CDC16: variants seen among roughly 807,000 people sequenced by gnomAD.
CDC16 encodes the protein cell division cycle protein 16 homolog.
CDC16 carries 34 observed loss-of-function variants against 87.0 expected under a neutral mutation model. That is an observed-to-expected ratio of 0.39 (90% CI 0.30 to 0.52). The LOEUF (loss-of-function observed/expected upper bound fraction) is 0.52, where lower values mean the gene tolerates loss of function less well. Among genes scored for constraint, CDC16 ranks in the 20% least tolerant of loss-of-function variants. CDC16 has a pLI of 0.74. For synonymous variants in CDC16, 263 were observed against 260.6 expected, an observed-to-expected ratio of 1.01 and a Z score of -0.09; for missense variants, 653 against 751.9, an observed-to-expected ratio of 0.87 and a Z score of 1.54.
At chr13:114,246,454 A>T (rs1010931190) in intron 10 of CDC16, among the ~76,000 whole-genome samples, 3 of 152,214 alleles carry the variant, frequency 2.0e-5, no homozygotes, top group Admixed American at 6.5e-5. Flanking sequence ...CCAAACTGTC[A>T]TGGATCGGAA....
chr13:114,243,480 T>G, intron 7 of CDC16, 132 bp downstream of exon 7: 1 of 553,294 alleles, frequency 1.8e-6, no homozygotes, highest in Non-Finnish European at 3.2e-6. Flanking sequence ...AATAGAGCGT[T>G]TAAGATACAT....
At position 114,243,265 on chromosome 13, in the gene CDC16, C is replaced by A. The variant is rs773221838; in HGVS notation, c.550C>A (p.Leu184Ile). The change falls in exon 7 of 18, where the codon CTT (leucine) becomes ATT (isoleucine). Residue 184 changes from leucine to isoleucine, a missense_variant. By Grantham distance (5) the Leu-to-Ile change is conservative. Transcript: ENST00000356221. The part of the protein sequence containing the change: ...HMLTAQEEKE[L>I]LESLPLSKLC... The stretch of plus-strand genomic sequence containing the variant: ...TTCTCACCATTTTTAAGAAAAAGAA[C>A]TTCTTGAATCACTACCCCTTAGCAA... The A allele has an allele frequency of 2.7e-6, 4 of 1,493,434 alleles. No individual in the cohort carries two copies. Among genetic ancestry groups the A allele is most frequent in the Non-Finnish European group, 3.7e-6 (4 of 1,074,050 alleles). 92.5% of individuals were successfully genotyped at this position (1,493,434 alleles called of 1,614,324 possible).
In CDC16 at chr13:114,272,266, G is replaced by A. The variant is rs957241121; in HGVS notation, c.1686G>A (p.Pro562=). Residue 562 remains proline, a synonymous_variant, in exon 18 of 18, where the codon CCG becomes CCA. Transcript: ENST00000356221. ...CACTAAAAAACATTATTTCACCTCCGTGGGATTTCAGGGAATTTGAAGTAG... is the reference window on the plus strand; with the variant it reads ...CACTAAAAAACATTATTTCACCTCCATGGGATTTCAGGGAATTTGAAGTAG... ...MKTLKNIISP[P]WDFREFEVEK... is the part of the protein sequence containing the mutation. 2.5e-6 allele frequency: 4 copies of A among 1,613,592 alleles called. No individual in the cohort carries two copies. The highest frequency in any genetic ancestry group is 1.7e-5 in the Admixed American group (1 of 60,002).
Position 114,239,331 on chromosome 13 carries a change from A to C in CDC16, c.241-19A>C. ...TTAGAAGTCGTGAGTGATGAGCGGC[A>C]CTTCTGTTTTCCACGTAGTATGCTG... On this transcript the variant is annotated intron_variant, in intron 4 of 17. Coordinates refer to ENST00000356221, the MANE Select transcript of CDC16 (RefSeq NM_001078645.3). 6.3e-7 allele frequency: 1 copy of C among 1,582,754 alleles called. No homozygotes were observed. Among genetic ancestry groups the C allele is most frequent in the South Asian group, 1.1e-5 (1 of 88,324 alleles).
intron 11 of CDC16, among the ~76,000 whole-genome samples, chr13:114,247,732 C>T (rs2081949498): frequency 6.6e-6 from 1 of 151,998 alleles, no homozygotes; most frequent in African/African-American, 2.4e-5. Context: ...AAAAAATTAG[C>T]CAGATATAGT....
intron 3 of CDC16, 136 bp downstream of exon 3, chr13:114,237,032 A>C (rs923269118): frequency 2.0e-6 from 1 of 511,390 alleles, no homozygotes; most frequent in Non-Finnish European, 3.3e-6. Context: ...TCAGGAGCTC[A>C]AGACCAAGAT....
At chr13:114,266,728 C>G (rs2083242591) in intron 17 of CDC16, among the ~76,000 whole-genome samples, 1 of 151,440 alleles carries the variant, frequency 6.6e-6, no homozygotes, top group African/African-American at 2.4e-5. Flanking sequence ...GAGTCTCGCT[C>G]TGTCGCCCAG....
At chr13:114,260,008 T>G (rs1046567245) in intron 14 of CDC16, among the ~76,000 whole-genome samples, 14 of 152,242 alleles carry the variant, frequency 9.2e-5, no homozygotes, top group Admixed American at 3.3e-4. Flanking sequence ...AGTAACAGTT[T>G]TAGATACCAT....
chr13:114,272,218 C>G lies in CDC16; in HGVS notation c.1638C>G (p.Asp546Glu), dbSNP rs778362743. The G allele has an allele frequency of 9.5e-6, 15 of 1,583,776 alleles. No individual in the cohort carries two copies. Among genetic ancestry groups the G allele is most frequent in the Non-Finnish European group, 1.2e-5 (14 of 1,156,820 alleles). Reference sequence around the variant, plus strand: ...TTAAAGACAAATTAAAATGTTATGACTTTGATGTGCATACAATGAAGACAC... The same window carrying G: ...TTAAAGACAAATTAAAATGTTATGAGTTTGATGTGCATACAATGAAGACAC... ...ADIKDKLKCY[D>E]FDVHTMKTLK... Residue 546 changes from aspartate to glutamate, a missense_variant, in exon 18 of 18, where the codon GAC becomes GAG. Coordinates refer to ENST00000356221, the MANE Select transcript of CDC16 (RefSeq NM_001078645.3).
intron 3 of CDC16, among the ~76,000 whole-genome samples, chr13:114,238,748 T>G (rs1416152291): frequency 5.3e-5 from 8 of 152,236 alleles, no homozygotes; most frequent in Non-Finnish European, 1.5e-5. Flanking sequence ...CCTGTTGTGC[T>G]TAGTTCACAT....
At chr13:114,264,834 C>G (rs956025601) in intron 16 of CDC16, 1 of 212,346 alleles carries the variant, frequency 4.7e-6, no homozygotes, top group African/African-American at 2.3e-5. Context: ...TCTCGAACTC[C>G]TGAGCCCAGG....
intron 3 of CDC16, among the ~76,000 whole-genome samples, chr13:114,237,768 C>G (rs946853009): frequency 2.0e-5 from 3 of 152,078 alleles, no homozygotes; most frequent in Non-Finnish European, 4.4e-5. Flanking sequence ...ATTTTTTTGT[C>G]TGTTCTGTTA....
chr13:114,246,965 TGGTC>T lies in CDC16; in HGVS notation c.937_940del (p.Gly313IlefsTer25). The T allele has an allele frequency of 6.2e-7, 1 of 1,613,384 alleles. No homozygotes were observed. Among genetic ancestry groups the T allele is most frequent in the South Asian group, 1.1e-5 (1 of 91,062 alleles). ...TTTGCAGTGGGATGTTACTATCTCA[TGGTC>T]GGTCATAAAAATGAACATGCCAGAA... On this transcript the variant is annotated frameshift_variant, in exon 11 of 18. Coordinates refer to ENST00000356221, the MANE Select transcript of CDC16 (RefSeq NM_001078645.3). LOFTEE classifies it high-confidence loss of function.
At chr13:114,240,920 T>C (rs554654068) in intron 5 of CDC16, among the ~76,000 whole-genome samples, 2 of 152,342 alleles carry the variant, frequency 1.3e-5, no homozygotes, top group Admixed American at 6.5e-5. Flanking sequence ...CGCATTATTA[T>C]TTATTTTGTG....
chr13:114,250,483 CT>C, intron 11 of CDC16, 65 bp from the exon 12 acceptor site: 1 of 1,442,730 alleles, frequency 6.9e-7, no homozygotes, highest in South Asian at 1.3e-5. Context: ...CAAAGTGAGA[CT>C]TTGTCTCAAA....
chr13:114,242,079 A>G (rs1333014058), intron 5 of CDC16, 42 bp from the exon 6 acceptor site: 1 of 1,557,814 alleles, frequency 6.4e-7, no homozygotes, highest in African/African-American at 1.4e-5. Context: ...AGTTAAGTTT[A>G]AAAGTACTGA....
At chr13:114,246,881 T>G (rs1269718404) in intron 10 of CDC16, 50 bp from the exon 11 acceptor site, 4 of 1,121,882 alleles carry the variant, frequency 3.6e-6, no homozygotes, top group African/African-American at 1.5e-5. Flanking sequence ...AGATTCCAAT[T>G]AGATATTCCA....
At chr13:114,269,793 C>T (rs1022389455) in intron 17 of CDC16, among the ~76,000 whole-genome samples, 5 of 152,286 alleles carry the variant, frequency 3.3e-5, no homozygotes, top group African/African-American at 7.2e-5. Flanking sequence ...CAACCTCTGC[C>T]TCCTGGGTTC....
Position 114,243,283 on chromosome 13 carries a change from C to G in CDC16, c.568C>G (p.Leu190Val), listed in dbSNP as rs1367318919. ...AAAAGAACTTCTTGAATCACTACCC[C>G]TTAGCAAGCTGTGTAATGAAGAACA... ...EEKELLESLP[L>V]SKLCNEEQEL... is the part of the protein sequence containing the mutation. The change falls in exon 7 of 18, where the codon CTT (leucine) becomes GTT (valine). Residue 190 changes from leucine to valine, a missense_variant. By Grantham distance (32) the Leu-to-Val change is conservative (BLOSUM62 1). Coordinates refer to ENST00000356221, the MANE Select transcript of CDC16 (RefSeq NM_001078645.3). 1.9e-6 allele frequency: 3 copies of G among 1,572,800 alleles called. No individual in the cohort carries two copies. Among genetic ancestry groups the G allele is most frequent in the Non-Finnish European group, 2.6e-6 (3 of 1,143,284 alleles).
Sources: allele counts gnomAD v4.1 joint callset (sites outside exome capture counted in the v4.1 genomes callset), GRCh38; gene constraint gnomAD v4.1.1; transcripts MANE v1.5; gene names NCBI Gene and HGNC (gene_info 2026-07-23, HGNC 2026-07-21).